Variants in TMEM117 observed in about 807,000 individuals in gnomAD.
TMEM117 encodes transmembrane protein 117.
A neutral mutation model predicts 52.4 loss-of-function variants in TMEM117; 27 were observed. The observed-to-expected ratio is 0.51, with a 90% CI of 0.38 to 0.71. The LOEUF (loss-of-function observed/expected upper bound fraction) is 0.71. TMEM117 is among the 30% of genes least tolerant of loss of function. The pLI, the probability that TMEM117 is intolerant of heterozygous loss-of-function variation, is 0.00. For missense variants in TMEM117, 556 were observed against 630.5 expected (o/e 0.88, Z 1.26); for synonymous variants, 215 against 206.3 (o/e 1.04, Z -0.36).
At chr12:44,165,040 C>T (rs1268534834) in intron 4 of TMEM117, among the ~76,000 whole-genome samples, 6 of 152,036 alleles carry the variant, frequency 3.9e-5, no homozygotes. Flanking sequence ...CATTTGTACC[C>T]ATTAACCAAC....
intron 2 of TMEM117, among the ~76,000 whole-genome samples, chr12:43,932,645 A>G (rs1382306664): frequency 6.6e-6 from 1 of 152,216 alleles, no homozygotes; most frequent in Non-Finnish European, 1.5e-5. Context: ...TCATTTATTA[A>G]TCAAAGGAGT....
chr12:43,863,920 G>A (rs777621001), intron 2 of TMEM117, among the ~76,000 whole-genome samples: 73 of 152,330 alleles, frequency 4.8e-4, no homozygotes, highest in Middle Eastern at 3.4e-3. Context: ...GGTGGGAACC[G>A]GGGCTGCGCC....
intron 5 of TMEM117, among the ~76,000 whole-genome samples, chr12:44,286,100 G>C (rs906924855): frequency 6.6e-6 from 1 of 151,814 alleles, no homozygotes; most frequent in African/African-American, 2.4e-5. Flanking sequence ...TTATTTTTCT[G>C]TAAGAAACTG....
intron 3 of TMEM117, among the ~76,000 whole-genome samples, chr12:43,949,826 A>G (rs999912983): frequency 1.3e-5 from 2 of 152,074 alleles, no homozygotes; most frequent in African/African-American, 2.4e-5. Context: ...GCTCTGGGGG[A>G]AAAATATCTC....
At chr12:44,220,903 T>G (rs1949779718) in intron 5 of TMEM117, among the ~76,000 whole-genome samples, 1 of 152,148 alleles carries the variant, frequency 6.6e-6, no homozygotes, top group South Asian at 2.1e-4. Context: ...ATAAAAATGA[T>G]TAAATAAATA....
At chr12:43,976,493 G>A (rs991864899) in intron 3 of TMEM117, among the ~76,000 whole-genome samples, 7 of 152,048 alleles carry the variant, frequency 4.6e-5, no homozygotes, top group Non-Finnish European at 7.4e-5. Context: ...AAACATTGTC[G>A]ACCCCCTGAG....
chr12:44,367,573 A>G (rs566190691), intron 6 of TMEM117, among the ~76,000 whole-genome samples: 4 of 151,952 alleles, frequency 2.6e-5, no homozygotes, highest in African/African-American at 9.6e-5. Context: ...TTGGCTTTCT[A>G]TGCTCCCTTT....
At chr12:43,879,618 C>T (rs1489020870) in intron 2 of TMEM117, among the ~76,000 whole-genome samples, 1 of 152,210 alleles carries the variant, frequency 6.6e-6, no homozygotes, top group Non-Finnish European at 1.5e-5. Flanking sequence ...GATTCTAAAC[C>T]ATCCTACTGT....
intron 5 of TMEM117, among the ~76,000 whole-genome samples, chr12:44,268,485 A>T (rs1389847883): frequency 1.3e-5 from 2 of 152,052 alleles, no homozygotes; most frequent in African/African-American, 4.8e-5. Context: ...AGTCATTTTT[A>T]AAAATTATGA....
intron 2 of TMEM117, among the ~76,000 whole-genome samples, chr12:43,919,871 G>C (rs1944663764): frequency 8.8e-6 from 1 of 113,822 alleles, no homozygotes; most frequent in African/African-American, 4.9e-5. Flanking sequence ...TGATTTTCAT[G>C]TTCTTTCTTT....
chr12:43,942,060 C>T (rs1945052479), intron 2 of TMEM117, among the ~76,000 whole-genome samples: 2 of 152,168 alleles, frequency 1.3e-5, no homozygotes, highest in African/African-American at 2.4e-5. Context: ...GCTTCATTAT[C>T]AACTGCTGAA....
intron 6 of TMEM117, among the ~76,000 whole-genome samples, chr12:44,364,903 T>C (rs2138818846): frequency 6.6e-6 from 1 of 152,214 alleles, no homozygotes; most frequent in African/African-American, 2.4e-5. Flanking sequence ...GCTGTGTCTT[T>C]TTAGCAAGCT....
chr12:44,189,522 AACTT>A (rs1270849507), intron 4 of TMEM117, among the ~76,000 whole-genome samples: 1 of 152,212 alleles, frequency 6.6e-6, no homozygotes, highest in African/African-American at 2.4e-5. Context: ...GAATTTTATT[AACTT>A]ACTTGTTATG....
the TMEM117 span, among the ~76,000 whole-genome samples, chr12:43,803,170 T>C: frequency 6.6e-6 from 1 of 152,174 alleles, no homozygotes; most frequent in Non-Finnish European, 1.5e-5. Context: ...AAATGAATTA[T>C]TGAGCTATCA....
intron 3 of TMEM117, among the ~76,000 whole-genome samples, chr12:44,099,746 C>T (rs1947831020): frequency 6.6e-6 from 1 of 151,780 alleles, no homozygotes; most frequent in East Asian, 1.9e-4. Context: ...TGAGGAGGAG[C>T]ATGAGAAAGA....
intron 5 of TMEM117, among the ~76,000 whole-genome samples, chr12:44,272,512 C>T (rs2138571571): frequency 6.6e-6 from 1 of 151,946 alleles, no homozygotes; most frequent in East Asian, 1.9e-4. Flanking sequence ...ACAAAGAACT[C>T]AAACAAATTT....
intron 5 of TMEM117, among the ~76,000 whole-genome samples, chr12:44,282,499 C>G (rs1950590494): frequency 6.6e-6 from 1 of 152,124 alleles, no homozygotes; most frequent in African/African-American, 2.4e-5. Context: ...AAAGGTGACT[C>G]TTGTTATGTT....
intron 2 of TMEM117, among the ~76,000 whole-genome samples, chr12:43,847,147 T>C (rs183307425): frequency 1.3e-5 from 2 of 152,144 alleles, no homozygotes; most frequent in Admixed American, 1.3e-4. Flanking sequence ...CTGCTGATAT[T>C]TGTGGGAGAA....
At chr12:44,025,638 A>G (rs1461899125) in intron 3 of TMEM117, among the ~76,000 whole-genome samples, 2 of 152,084 alleles carry the variant, frequency 1.3e-5, no homozygotes, top group Non-Finnish European at 2.9e-5. Context: ...CAGCTGTTGT[A>G]TTTTCGAAAA....
Sources: allele counts gnomAD v4.1 joint callset (sites outside exome capture counted in the v4.1 genomes callset), GRCh38; gene constraint gnomAD v4.1.1; transcripts MANE v1.5; gene names NCBI Gene and HGNC (gene_info 2026-07-23, HGNC 2026-07-21).